The following DAB1 variants were observed in gnomAD, a reference collection of about 807,000 sequenced individuals.
DAB1 encodes the protein disabled homolog 1.
DAB1 carries 15 observed loss-of-function variants against 64.6 expected under a neutral mutation model. That is an observed-to-expected ratio of 0.23 (90% CI 0.16 to 0.36). The LOEUF (loss-of-function observed/expected upper bound fraction) is 0.36. Among genes scored for constraint, DAB1 ranks in the 10% least tolerant of loss-of-function variants. The pLI is 1.00. For missense variants in DAB1, 596 were observed against 706.7 expected, an observed-to-expected ratio of 0.84 and a Z score of 1.78; for synonymous variants, 235 against 251.9, an observed-to-expected ratio of 0.93 and a Z score of 0.64.
chr1:58,088,832 T>C (rs544349562), intron 5 of DAB1, among the ~76,000 whole-genome samples: 19 of 152,228 alleles, frequency 1.2e-4, no homozygotes, highest in South Asian at 6.2e-4. Flanking sequence ...TACAACACCA[T>C]GTGATAACAC....
chr1:57,927,654 T>G (rs907882292), intron 5 of DAB1, among the ~76,000 whole-genome samples: 2 of 152,238 alleles, frequency 1.3e-5, no homozygotes, highest in African/African-American at 4.8e-5. Context: ...TTCTGATTTA[T>G]AGCGACTTGT....
At chr1:57,072,218 G>A (rs536649688) in intron 5 of DAB1, 65 bp downstream of exon 5, 16 of 1,580,694 alleles carry the variant, frequency 1.0e-5, no homozygotes, top group Non-Finnish European at 1.3e-5. Context: ...AAAGACCAAC[G>A]GAGTCACTGG....
At chr1:57,534,197 A>G (rs1644698732) in intron 7 of DAB1, among the ~76,000 whole-genome samples, 1 of 152,162 alleles carries the variant, frequency 6.6e-6, no homozygotes, top group African/African-American at 2.4e-5. Flanking sequence ...TTCAGTGCAG[A>G]CTTCAGAAGA....
At chr1:58,425,910 C>A (rs762010979) in intron 3 of DAB1, among the ~76,000 whole-genome samples, 11 of 151,732 alleles carry the variant, frequency 7.2e-5, no homozygotes, top group Non-Finnish European at 1.2e-4. Context: ...ACACAAAGTG[C>A]GGGGTACAGA....
At chr1:57,098,606 A>G (rs896218904) in intron 4 of DAB1, among the ~76,000 whole-genome samples, 5 of 152,232 alleles carry the variant, frequency 3.3e-5, no homozygotes, top group African/African-American at 1.2e-4. Flanking sequence ...ATCATATAAA[A>G]GTCTCTGATT....
intron 7 of DAB1, among the ~76,000 whole-genome samples, chr1:57,497,028 T>C (rs1271558339): frequency 6.6e-6 from 1 of 152,206 alleles, no homozygotes; most frequent in East Asian, 1.9e-4. Context: ...CATTTCCCTA[T>C]GTACTTGCCT....
intron 3 of DAB1, among the ~76,000 whole-genome samples, chr1:57,137,288 C>T (rs534713556): frequency 3.8e-4 from 58 of 152,100 alleles, no homozygotes; most frequent in African/African-American, 1.3e-3. Context: ...TTTTATAAGC[C>T]GAAGATATGT....
chr1:58,461,587 C>A (rs905763506), intron 3 of DAB1, among the ~76,000 whole-genome samples: 2 of 152,146 alleles, frequency 1.3e-5, no homozygotes, highest in African/African-American at 4.8e-5. Flanking sequence ...AAACCACAGT[C>A]AACCCCAGCT....
chr1:58,145,175 T>C (rs1391481619), intron 5 of DAB1, among the ~76,000 whole-genome samples: 4 of 152,202 alleles, frequency 2.6e-5, no homozygotes, highest in Admixed American at 1.3e-4. Context: ...CACGCAGACA[T>C]TGCTTTCACA....
At chr1:57,971,400 T>C (rs764217019) in intron 5 of DAB1, among the ~76,000 whole-genome samples, 6 of 152,110 alleles carry the variant, frequency 3.9e-5, no homozygotes, top group Non-Finnish European at 5.9e-5. Flanking sequence ...TGACTATCCT[T>C]TGACAGTAAC....
At chr1:57,097,002 G>T (rs1304817819) in intron 4 of DAB1, among the ~76,000 whole-genome samples, 1 of 152,086 alleles carries the variant, frequency 6.6e-6, no homozygotes, top group South Asian at 2.1e-4. Context: ...CTCCAGCTAG[G>T]TTATGGCCCC....
At position 58,031,347 on chromosome 1, in the gene DAB1, A is replaced by G. The variant is rs77453738; in HGVS notation, n.387+119164T>C. 1.3e-3 allele frequency among the ~76,000 whole-genome samples: 201 copies of G among 152,314 alleles called. 3 individuals carry two copies. In the East Asian group the frequency reaches 0.034, roughly 26 times the overall value. The stretch of plus-strand genomic sequence containing the variant: ...TGCGTTCTTCAGTAGATGAAGCAGA[A>G]CTGTGGAAAGTCTTTGAGTGGGAAA... On this transcript the variant is annotated intron_variant and non_coding_transcript_variant, in intron 5 of 20. Coordinates refer to the DAB1 transcript ENST00000485760.
intron 6 of DAB1, among the ~76,000 whole-genome samples, chr1:57,768,723 T>A (rs1025053934): frequency 6.6e-6 from 1 of 152,042 alleles, no homozygotes; most frequent in Non-Finnish European, 1.5e-5. Context: ...TTTTTTTCTG[T>A]GTACAGCTTC....
Position 58,460,196 on chromosome 1 carries a change from C to G in DAB1, n.257+45864G>C, listed in dbSNP as rs76020905. On this transcript the variant is annotated intron_variant and non_coding_transcript_variant, in intron 3 of 20. Transcript: ENST00000485760. ...ACAAAGTCTAGGCATATATATATAC[C>G]ATTTTACTATCCAGGAGCTCTGGGT... Among the ~76,000 whole-genome samples, 1,408 of 152,142 alleles carry G rather than the reference C, an allele frequency of 9.3e-3. 17 individuals are homozygous for G. Among genetic ancestry groups the G allele is most frequent in the African/African-American group, 0.032 (1,337 of 41,516 alleles).
intron 6 of DAB1, among the ~76,000 whole-genome samples, chr1:57,706,445 G>T (rs888070451): frequency 6.6e-6 from 1 of 151,984 alleles, no homozygotes; most frequent in African/African-American, 2.4e-5. Context: ...AGCCTCTTGA[G>T]TAGCTGGGGT....
Position 57,055,487 on chromosome 1 carries a change from GAA to G in DAB1, c.723+7395_723+7396del, listed in dbSNP as rs563859908. ...AACTAGGGCAAGAATGAGTAAATGA[GAA>G]AGAGGAAAGTAAAGAGATGGAACCA... On this transcript the variant is annotated intron_variant, in intron 9 of 14. Transcript: ENST00000371236. Among the ~76,000 whole-genome samples the G allele has an allele frequency of 2.1e-3, 324 of 152,294 alleles. 3 individuals carry two copies. Among genetic ancestry groups the G allele is most frequent in the Non-Finnish European group, 1.6e-3 (107 of 68,026 alleles).
At chr1:57,084,534 CT>C (rs1428961849) in intron 4 of DAB1, among the ~76,000 whole-genome samples, 2 of 152,134 alleles carry the variant, frequency 1.3e-5, no homozygotes, top group East Asian at 3.8e-4. Context: ...TCTTCAGGTC[CT>C]TTTGTTTAAG....
intron 11 of DAB1, among the ~76,000 whole-genome samples, chr1:57,019,600 G>A (rs1024657767): frequency 2.0e-5 from 3 of 152,210 alleles, no homozygotes; most frequent in African/African-American, 7.2e-5. Flanking sequence ...TGGCCACATG[G>A]TCTTGTGCAT....
chr1:58,337,344 G>A (rs1025596957), intron 4 of DAB1, among the ~76,000 whole-genome samples: 5 of 151,472 alleles, frequency 3.3e-5, no homozygotes, highest in African/African-American at 1.2e-4. Flanking sequence ...GTAACGTGGT[G>A]GTTAAAAGAA....
Sources: gnomAD v4.1 joint callset for allele counts (sites outside exome capture counted in the v4.1 genomes callset) on GRCh38, gnomAD v4.1.1 for gene constraint, MANE v1.5 for transcripts, NCBI Gene and HGNC (gene_info 2026-07-23, HGNC 2026-07-21) for gene names.